Variants in MAVS observed in about 807,000 individuals in gnomAD.
MAVS encodes mitochondrial antiviral signaling protein, also known as mitochondrial antiviral-signaling protein.
In MAVS, 20 loss-of-function variants were observed where a neutral mutation model predicts 30.2. The ratio of observed to expected loss-of-function variants is 0.66; its 90% CI spans 0.47 to 0.96. MAVS has a LOEUF of 0.96. Ranked by LOEUF, MAVS falls within the 40% of genes least tolerant of loss-of-function variation. The pLI is 0.00. For missense variants in MAVS, 624 were observed against 701.1 expected (o/e 0.89, Z 1.24); for synonymous variants, 278 against 293.9 (o/e 0.95, Z 0.55).
chr20:3,859,273 C>T (rs910675585), intron 3 of MAVS, among the ~76,000 whole-genome samples: 8 of 151,700 alleles, frequency 5.3e-5, no homozygotes, highest in East Asian at 1.9e-4. Flanking sequence ...TTTGGGAGGC[C>T]GAGGCGGGCG....
chr20:3,854,889 TTC>T, intron 2 of MAVS, 148 bp downstream of exon 2: 4 of 473,410 alleles, frequency 8.4e-6, no homozygotes, highest in South Asian at 3.1e-5. Context: ...CTTGCTGCTT[TTC>T]TTTTTTTTTT....
intron 1 of MAVS, among the ~76,000 whole-genome samples, chr20:3,851,484 C>T (rs935320802): frequency 4.0e-5 from 5 of 125,374 alleles, no homozygotes; most frequent in Admixed American, 9.9e-5. Context: ...CCAGCCTGGG[C>T]GACAGGGAGA....
intron 4 of MAVS, 23 bp from the exon 5 acceptor site, chr20:3,862,231 A>G (rs1449057318): frequency 1.2e-6 from 2 of 1,609,588 alleles, no homozygotes; most frequent in Non-Finnish European, 1.7e-6. Flanking sequence ...CAACTGCCTT[A>G]TTCATATTTT....
At position 3,857,794 on chromosome 20, in the gene MAVS, C is replaced by G. The variant is rs17857295; in HGVS notation, c.277C>G (p.Gln93Glu). ...DLADEVASVY[Q>E]SYQPRTSDRP... is the part of the protein sequence containing the mutation. The stretch of plus-strand genomic sequence containing the variant: ...CGCGGACGAAGTGGCCTCTGTCTAC[C>G]AGAGCTACCAGCCTCGTGAGCGTCC... Residue 93 changes from glutamine to glutamate, a missense_variant, in exon 3 of 7, where the codon CAG becomes GAG. Physicochemically the swap from Gln to Glu is conservative, Grantham distance 29. Transcript: ENST00000428216. The G allele has an allele frequency of 0.26, 422,412 of 1,613,994 alleles. 59,318 individuals are homozygous for G. The highest frequency in any genetic ancestry group is 0.56 in the East Asian group (25,258 of 44,868).
At chr20:3,857,308 AC>A (rs1411351743) in intron 2 of MAVS, among the ~76,000 whole-genome samples, 3 of 152,178 alleles carry the variant, frequency 2.0e-5, no homozygotes, top group Non-Finnish European at 4.4e-5. Context: ...TTGCTACAGT[AC>A]TTTGCTTCTG....
intron 1 of MAVS, among the ~76,000 whole-genome samples, chr20:3,849,046 T>C (rs1296013827): frequency 2.0e-5 from 3 of 152,142 alleles, no homozygotes; most frequent in East Asian, 1.9e-4. Flanking sequence ...GAGAAGTCTT[T>C]AATGTAAATC....
rs2089974867 is a variant in MAVS, at chr20:3,874,191, T to C, written c.*8044T>C. ...TCCTCATCATCAAGAGAGAATTCAT[T>C]GTATGATTCTCTTCCTACAAAAAGT... is the stretch of plus-strand genomic sequence containing the variant. On this transcript the variant is annotated 3_prime_UTR_variant, in exon 7 of 7. Transcript: ENST00000428216. The C allele has an allele frequency of 5.0e-6, 2 of 398,444 alleles. No homozygotes were observed. The highest frequency in any genetic ancestry group is 2.1e-5 in the African/African-American group (1 of 48,608). 24.7% of individuals were successfully genotyped at this position (398,444 alleles called of 1,614,324 possible).
chr20:3,856,573 A>G (rs890283359), intron 2 of MAVS, among the ~76,000 whole-genome samples: 7 of 151,028 alleles, frequency 4.6e-5, no homozygotes, highest in Admixed American at 2.0e-4. Context: ...GCTGGTCTTG[A>G]ACTCCTGACC....
rs140277321 is a variant in MAVS, at chr20:3,864,459, C to G, written c.829C>G (p.Gln277Glu). Reference sequence around the variant, plus strand: ...GGGTAAACAGGGTGCAGAGAGTGACCAGGCCGAGCCTATCATCTGCTCCAG... The same window carrying G: ...GGGTAAACAGGGTGCAGAGAGTGACGAGGCCGAGCCTATCATCTGCTCCAG... ...AEGKQGAESD[Q>E]AEPIICSSGA... Residue 277 changes from glutamine to glutamate, a missense_variant, in exon 6 of 7, where the codon CAG becomes GAG. Physicochemically the swap from Gln to Glu is conservative, Grantham distance 29. Transcript: ENST00000428216. The G allele has an allele frequency of 1.9e-6, 3 of 1,613,858 alleles. No homozygotes were observed. Among genetic ancestry groups the G allele is most frequent in the Non-Finnish European group, 1.7e-6 (2 of 1,180,020 alleles).
At chr20:3,856,977 A>G (rs1003701736) in intron 2 of MAVS, among the ~76,000 whole-genome samples, 1 of 150,074 alleles carries the variant, frequency 6.7e-6, no homozygotes, top group African/African-American at 2.5e-5. Context: ...CAGAGGTTGC[A>G]GTAAGCTGAT....
chr20:3,854,645 G>T lies in MAVS; in HGVS notation c.21G>T (p.Lys7Asn). 1 of 1,613,684 alleles carries T rather than the reference G, an allele frequency of 6.2e-7. No homozygotes were observed. The highest frequency in any genetic ancestry group is 8.5e-7 in the Non-Finnish European group (1 of 1,179,788). ...CAGCAATGCCGTTTGCTGAAGACAA[G>T]ACCTATAAGTATATCTGCCGCAATT... MPFAED[K>N]TYKYICRNFS... The change falls in exon 2 of 7, where the codon AAG becomes AAT. Residue 7 changes from lysine (K) to asparagine (N), a missense_variant. Physicochemically the swap from Lys to Asn is moderately conservative, Grantham distance 94. Transcript: ENST00000428216.
In MAVS at chr20:3,857,695, A is replaced by T. The variant is rs1359408830; in HGVS notation, c.178A>T (p.Asn60Tyr). ...CCGGGACACCCTCTGGCATCTCTTCAATACCCTTCAGCGGCGGCCCGGCTG... is the reference window on the plus strand; with the variant it reads ...CCGGGACACCCTCTGGCATCTCTTCTATACCCTTCAGCGGCGGCCCGGCTG... ...GNRDTLWHLF[N>Y]TLQRRPGWVE... is the part of the protein sequence containing the mutation. The change falls in exon 3 of 7, where the codon AAT (asparagine) becomes TAT (tyrosine). Residue 60 changes from asparagine to tyrosine, a missense_variant. Coordinates refer to ENST00000428216, the MANE Select transcript of MAVS (RefSeq NM_020746.5). 1 of 1,614,196 alleles carries T rather than the reference A, an allele frequency of 6.2e-7. No homozygotes were observed.
Position 3,874,864 on chromosome 20 carries a change from A to T in MAVS, c.*8717A>T, listed in dbSNP as rs748424030. 2 of 152,488 alleles carry T rather than the reference A, an allele frequency of 1.3e-5. No homozygotes were observed. Among genetic ancestry groups the T allele is most frequent in the Non-Finnish European group, 2.9e-5 (2 of 68,188 alleles). The allele number at this position is 152,488 out of a possible 1,614,324, so 9.4% of individuals were successfully genotyped here. A position where few individuals can be genotyped will look rare whatever the true frequency, so the allele number is the denominator to read the frequency against. ...TCTGAGAGGGGCCACCATCGCTGGA[A>T]TGGGGGACACACAGTACTTCCTCCA... On this transcript the variant is annotated 3_prime_UTR_variant, in exon 7 of 7. Coordinates refer to ENST00000428216, the MANE Select transcript of MAVS (RefSeq NM_020746.5).
rs903516061 is a variant in MAVS at position 3,874,595 on chromosome 20, G to C, written c.*8448G>C. The C allele has an allele frequency of 5.6e-6, 1 of 179,396 alleles. No homozygotes were observed. 11.1% of individuals were successfully genotyped at this position (179,396 alleles called of 1,614,324 possible). ...TGGAGGGGCATCTTTGGTTGGTTGGGGGGGTATATTTGGCTTTCTCTGGTT... is the reference window on the plus strand; with the variant it reads ...TGGAGGGGCATCTTTGGTTGGTTGGCGGGGTATATTTGGCTTTCTCTGGTT... On this transcript the variant is annotated 3_prime_UTR_variant, in exon 7 of 7. Coordinates refer to ENST00000428216, the MANE Select transcript of MAVS (RefSeq NM_020746.5).
At position 3,857,739 on chromosome 20, in the gene MAVS, G is replaced by C; in HGVS notation, c.222G>C (p.Ala74=). The part of the protein sequence containing the change: ...RRPGWVEYFI[A]ALRGCELVDL... Reference sequence around the variant, plus strand: ...CCGGCTGGGTGGAGTACTTCATTGCGGCACTGAGGGGCTGTGAGCTAGTTG... The same window carrying C: ...CCGGCTGGGTGGAGTACTTCATTGCCGCACTGAGGGGCTGTGAGCTAGTTG... Residue 74 remains alanine, a synonymous_variant, in exon 3 of 7, where the codon GCG becomes GCC. Transcript: ENST00000428216. 3 of 1,614,222 alleles carry C rather than the reference G, an allele frequency of 1.9e-6. No homozygotes were observed. Among genetic ancestry groups the C allele is most frequent in the African/African-American group, 2.7e-5 (2 of 75,054 alleles).
At chr20:3,854,891 C>CA in intron 2 of MAVS, 150 bp downstream of exon 2, 1 of 303,536 alleles carries the variant, frequency 3.3e-6, no homozygotes, top group Non-Finnish European at 5.8e-6. Context: ...TGCTGCTTTT[C>CA]TTTTTTTTTT....
At position 3,874,670 on chromosome 20, in the gene MAVS, T is replaced by C. The variant is rs1201603817; in HGVS notation, c.*8523T>C. The C allele has an allele frequency of 1.9e-5, 3 of 155,188 alleles. No individual in the cohort carries two copies. The highest frequency in any genetic ancestry group is 4.3e-5 in the Non-Finnish European group (3 of 70,278). 9.6% of individuals were successfully genotyped at this position (155,188 alleles called of 1,614,324 possible). A position where few individuals can be genotyped will look rare whatever the true frequency, so the allele number is the denominator to read the frequency against. On this transcript the variant is annotated 3_prime_UTR_variant, in exon 7 of 7. Coordinates refer to ENST00000428216, the MANE Select transcript of MAVS (RefSeq NM_020746.5). ...TGGTGGCTGGGGATTGGGAAGAAGC[T>C]GGCAGCCACTAAGTTCAGACTGTTC...
rs1195210942 is a variant in MAVS, at chr20:3,874,345, C to CA, written c.*8199dup. 5.0e-6 allele frequency: 2 copies of CA among 397,566 alleles called. No homozygotes were observed. The highest frequency in any genetic ancestry group is 4.4e-5 in the Admixed American group (1 of 22,704). 24.6% of individuals were successfully genotyped at this position (397,566 alleles called of 1,614,324 possible). A position where few individuals can be genotyped will look rare whatever the true frequency, so the allele number is the denominator to read the frequency against. On this transcript the variant is annotated 3_prime_UTR_variant, in exon 7 of 7. Coordinates refer to ENST00000428216, the MANE Select transcript of MAVS (RefSeq NM_020746.5). Reference sequence around the variant, plus strand: ...TGGGTGTTGATTTCACGAGTATTGTCAGTTTGTTTCCAGACTCCCTGTTGG... The same window carrying CA: ...TGGGTGTTGATTTCACGAGTATTGTCAAGTTTGTTTCCAGACTCCCTGTTGG...
chr20:3,861,645 T>G, intron 4 of MAVS, 141 bp downstream of exon 4: 1 of 941,912 alleles, frequency 1.1e-6, no homozygotes, highest in Non-Finnish European at 1.6e-6. Context: ...GCTTCCTCAG[T>G]GGGGATCTGC....
Sources: gnomAD v4.1 joint callset for allele counts (sites outside exome capture counted in the v4.1 genomes callset) on GRCh38, gnomAD v4.1.1 for gene constraint, MANE v1.5 for transcripts, NCBI Gene and HGNC (gene_info 2026-07-23, HGNC 2026-07-21) for gene names.